REEP5: variants seen among roughly 807,000 people sequenced by gnomAD.
REEP5 encodes the protein receptor accessory protein 5, also known as receptor expression-enhancing protein 5.
Under a neutral mutation model 22.4 loss-of-function variants are expected in REEP5, and 24 were observed. The ratio of observed to expected loss-of-function variants is 1.07; its 90% CI spans 0.78 to 1.51. The LOEUF (loss-of-function observed/expected upper bound fraction) is 1.51, where lower values mean the gene tolerates loss of function less well. Among genes scored for constraint, REEP5 ranks in the 40% most tolerant of loss-of-function variants. The pLI is 0.00. For missense variants in REEP5, 252 were observed against 233.0 expected, an observed-to-expected ratio of 1.08 and a Z score of -0.53; for synonymous variants, 103 against 88.6, an observed-to-expected ratio of 1.16 and a Z score of -0.92.
At chr5:112,907,016 T>G (rs905230112) in intron 2 of REEP5, among the ~76,000 whole-genome samples, 1 of 152,220 alleles carries the variant, frequency 6.6e-6, no homozygotes, top group African/African-American at 2.4e-5. Flanking sequence ...TAATATGATC[T>G]AGAACCCTCA....
chr5:112,909,296 G>C (rs1344581301), intron 2 of REEP5, among the ~76,000 whole-genome samples: 1 of 149,872 alleles, frequency 6.7e-6, no homozygotes, highest in African/African-American at 2.5e-5. Context: ...TATATGTAAA[G>C]CACTAAGAAA....
At chr5:112,905,268 C>A (rs1165956435) in intron 2 of REEP5, among the ~76,000 whole-genome samples, 4 of 152,138 alleles carry the variant, frequency 2.6e-5, no homozygotes, top group Non-Finnish European at 5.9e-5. Context: ...TGGCCGGGCA[C>A]AATGGCTCAC....
At chr5:112,921,306 C>G in intron 1 of REEP5, 50 bp from the exon 2 acceptor site, 2 of 1,571,662 alleles carry the variant, frequency 1.3e-6, no homozygotes, top group Non-Finnish European at 1.7e-6. Context: ...GAGCCGTTCA[C>G]GCGGGACAGC....
chr5:112,890,360 A>C lies in REEP5; in HGVS notation c.352-3177T>G, dbSNP rs1011532892. 2.3e-4 allele frequency among the ~76,000 whole-genome samples: 31 copies of C among 135,906 alleles called. 2 individuals are homozygous for C. The highest frequency in any genetic ancestry group is 1.0e-3 in the African/African-American group (30 of 30,086). 89.2% of individuals were successfully genotyped at this position (135,906 alleles called of 152,430 possible). Reference sequence around the variant, plus strand: ...TAAGAATACAGAATAAAGAACACAAAATTTAAGTCTTTTTTTTTTTTTAAA... The same window carrying C: ...TAAGAATACAGAATAAAGAACACAACATTTAAGTCTTTTTTTTTTTTTAAA... On this transcript the variant is annotated intron_variant, in intron 3 of 4. Coordinates refer to ENST00000379638, the MANE Select transcript of REEP5 (RefSeq NM_005669.5).
intron 2 of REEP5, among the ~76,000 whole-genome samples, chr5:112,909,990 T>C (rs556383837): frequency 6.6e-6 from 1 of 152,274 alleles, no homozygotes; most frequent in South Asian, 2.1e-4. Context: ...TGTGTCAATG[T>C]ATGTTCACCA....
intron 3 of REEP5, chr5:112,898,081 C>T (rs1424604213): frequency 6.6e-6 from 1 of 152,004 alleles, no homozygotes; most frequent in African/African-American, 2.4e-5. Flanking sequence ...ACAAAACAAA[C>T]CCATGTCCTT....
Position 112,921,231 on chromosome 5 carries a change from G to T in REEP5, c.144C>A (p.Tyr48Ter). The change falls in exon 2 of 5, where the codon TAC (tyrosine) becomes TAA (stop). Residue 48 changes from tyrosine (Y) to a stop codon, truncating the protein, a stop_gained. Coordinates refer to ENST00000379638, the MANE Select transcript of REEP5 (RefSeq NM_005669.5). LOFTEE classifies it high-confidence loss of function. ...GAGAGGCTCCATAACCGAACACCAG[G>T]TACAAGGCCACCAGTCCGATGACAC... ...ALGVIGLVALYLVFGYGASLL... is the reference protein window; with the variant it reads ...ALGVIGLVAL 4 of 1,614,144 alleles carry T rather than the reference G, an allele frequency of 2.5e-6. No homozygotes were observed. The highest frequency in any genetic ancestry group is 3.4e-6 in the Non-Finnish European group (4 of 1,180,016).
intron 2 of REEP5, among the ~76,000 whole-genome samples, 192 bp from the exon 3 acceptor site, chr5:112,902,710 C>A (rs1221403638): frequency 6.6e-6 from 1 of 152,128 alleles, no homozygotes; most frequent in Non-Finnish European, 1.5e-5. Flanking sequence ...ATTATAACCA[C>A]TTGTTTCTAG....
intron 4 of REEP5, chr5:112,885,286 CA>C (rs1485330519): frequency 1.2e-5 from 2 of 172,274 alleles, no homozygotes; most frequent in Non-Finnish European, 2.5e-5. Context: ...AGACAGAAAG[CA>C]AGCTCAAATG....
chr5:112,896,211 TC>T (rs1377082205), intron 3 of REEP5: 1 of 152,632 alleles, frequency 6.6e-6, no homozygotes, highest in African/African-American at 2.4e-5. Flanking sequence ...CTTTTTAGCC[TC>T]CTACGAACAT....
chr5:112,879,077 C>T (rs949539314), intron 4 of REEP5, among the ~76,000 whole-genome samples: 8 of 152,002 alleles, frequency 5.3e-5, no homozygotes. Context: ...CTAGCCTAGC[C>T]CCTTGTTGTG....
At chr5:112,879,722 C>T (rs944339833) in intron 4 of REEP5, among the ~76,000 whole-genome samples, 2 of 151,976 alleles carry the variant, frequency 1.3e-5, no homozygotes, top group Admixed American at 6.6e-5. Flanking sequence ...GTGATCTGCC[C>T]GCCTTGGCCT....
chr5:112,877,241 ACAT>A lies in REEP5; in HGVS notation c.*1542_*1544del, dbSNP rs1226758652. On this transcript the variant is annotated 3_prime_UTR_variant, in exon 5 of 5. Coordinates refer to ENST00000379638, the MANE Select transcript of REEP5 (RefSeq NM_005669.5). ...AGTATTGATATCTTTAATATTTTTT[ACAT>A]CATGAGACATTGTTATGATCTTACC... The A allele has an allele frequency of 2.0e-5, 3 of 152,220 alleles. No homozygotes were observed. Among genetic ancestry groups the A allele is most frequent in the Non-Finnish European group, 2.9e-5 (2 of 68,036 alleles). 9.4% of individuals were successfully genotyped at this position (152,220 alleles called of 1,614,324 possible).
intron 4 of REEP5, 91 bp downstream of exon 4, chr5:112,886,923 TG>T: frequency 1.1e-6 from 1 of 913,576 alleles, no homozygotes. Context: ...TGAGGGGTGG[TG>T]ATAAGACAAG....
At chr5:112,889,878 G>A (rs1387535225) in intron 3 of REEP5, among the ~76,000 whole-genome samples, 1 of 148,692 alleles carries the variant, frequency 6.7e-6, no homozygotes, top group Non-Finnish European at 1.5e-5. Flanking sequence ...CCAGGCTGGA[G>A]TGCTGTGGCA....
chr5:112,893,986 A>G (rs1170166714), intron 3 of REEP5: 3 of 152,206 alleles, frequency 2.0e-5, no homozygotes. Context: ...GGAGAATTAA[A>G]TGACTGTATT....
At chr5:112,908,000 T>C (rs866429034) in intron 2 of REEP5, among the ~76,000 whole-genome samples, 1 of 151,868 alleles carries the variant, frequency 6.6e-6, no homozygotes, top group Non-Finnish European at 1.5e-5. Context: ...TTACTTAAGG[T>C]CTTTCCAATG....
intron 2 of REEP5, among the ~76,000 whole-genome samples, chr5:112,916,960 A>G (rs1037661450): frequency 1.3e-5 from 2 of 152,246 alleles, no homozygotes; most frequent in African/African-American, 4.8e-5. Context: ...AAAATGCTAC[A>G]CAGATTTCAG....
chr5:112,884,453 T>G (rs1055787371), intron 4 of REEP5, among the ~76,000 whole-genome samples: 1 of 151,940 alleles, frequency 6.6e-6, no homozygotes, highest in African/African-American at 2.4e-5. Context: ...CACAGCTCAC[T>G]TGCAGCCTTG....
Sources: allele counts gnomAD v4.1 joint callset (sites outside exome capture counted in the v4.1 genomes callset), GRCh38; gene constraint gnomAD v4.1.1; transcripts MANE v1.5; gene names NCBI Gene and HGNC (gene_info 2026-07-23, HGNC 2026-07-21).